The following NAALAD2 variants were observed in gnomAD, a reference collection of about 807,000 sequenced individuals.
NAALAD2 encodes the protein N-acetylated-alpha-linked acidic dipeptidase 2.
A neutral mutation model predicts 95.6 loss-of-function variants in NAALAD2; 89 were observed. The ratio of observed to expected loss-of-function variants is 0.93; its 90% confidence interval spans 0.78 to 1.11. The LOEUF (loss-of-function observed/expected upper bound fraction) is 1.11. NAALAD2 is among the 50% of genes least tolerant of loss of function. The probability of loss-of-function intolerance (pLI) is 0.00; values close to 1 mark genes in which losing one functional copy is unlikely to be tolerated. For missense variants in NAALAD2, 894 were observed against 872.4 expected, an observed-to-expected ratio of 1.02 and a Z score of -0.31; for synonymous variants, 264 against 294.4, an observed-to-expected ratio of 0.90 and a Z score of 1.06.
intron 6 of NAALAD2, among the ~76,000 whole-genome samples, chr11:90,154,830 G>GTAATA (rs1565521204): frequency 2.0e-4 from 28 of 139,406 alleles, no homozygotes; most frequent in African/African-American, 6.1e-4. Context: ...AATATGTAAT[G>GTAATA]TTACATAGTA....
Position 90,161,013 on chromosome 11 carries a change from T to G in NAALAD2, c.989+1676T>G, listed in dbSNP as rs567771648. Among the ~76,000 whole-genome samples, 13 of 152,302 alleles carry G rather than the reference T, an allele frequency of 8.5e-5. No homozygotes were observed. The East Asian group carries it at 2.5e-3, about 29-fold the overall frequency. The stretch of plus-strand genomic sequence containing the variant: ...TGCCACCAATGAGGACTAACTTAAT[T>G]TGCCCTAAGCAAAGCAGAAACATAA... On this transcript the variant is annotated intron_variant, in intron 8 of 18. Coordinates refer to ENST00000534061, the MANE Select transcript of NAALAD2 (RefSeq NM_005467.4).
rs966197894 is a variant in NAALAD2 at position 90,192,613 on chromosome 11, T to C, written c.*866T>C. On this transcript the variant is annotated 3_prime_UTR_variant, in exon 19 of 19. Coordinates refer to ENST00000534061, the MANE Select transcript of NAALAD2 (RefSeq NM_005467.4). ...AATAAACGTGATTATAAAAAACAAG[T>C]CTGCAAGGAAACCAGAATCATATAC... 3.3e-5 allele frequency: 5 copies of C among 151,910 alleles called. No homozygotes were observed. Among genetic ancestry groups the C allele is most frequent in the African/African-American group, 1.2e-4 (5 of 41,402 alleles). The allele number at this position is 151,910 out of a possible 1,614,324, so 9.4% of individuals were successfully genotyped here. A position where few individuals can be genotyped will look rare whatever the true frequency, so the allele number is the denominator to read the frequency against.
Position 90,191,757 on chromosome 11 carries a change from A to AGT in NAALAD2, c.*12_*13dup. ...GAAAGAAGTATTATAGAAGGTCTCA[A>AGT]GTGGCTAGCCATTAAAGGTGTTGCT... On this transcript the variant is annotated 3_prime_UTR_variant, in exon 19 of 19. Transcript: ENST00000534061. 6.5e-7 allele frequency: 1 copy of AGT among 1,529,866 alleles called. No individual in the cohort carries two copies. The highest frequency in any genetic ancestry group is 8.8e-7 in the Non-Finnish European group (1 of 1,139,176). 94.8% of individuals were successfully genotyped at this position (1,529,866 alleles called of 1,614,324 possible). A position where few individuals can be genotyped will look rare whatever the true frequency, so the allele number is the denominator to read the frequency against.
intron 18 of NAALAD2, among the ~76,000 whole-genome samples, chr11:90,185,194 T>C (rs1857098366): frequency 6.6e-6 from 1 of 151,490 alleles, no homozygotes; most frequent in African/African-American, 2.4e-5. Context: ...TATGCAAATA[T>C]TTCCATAAAA....
chr11:90,147,456 A>T lies in NAALAD2; in HGVS notation c.321A>T (p.Leu107Phe). The change falls in exon 3 of 19, where the codon TTA becomes TTT. Residue 107 changes from leucine to phenylalanine, a missense_variant. Transcript: ENST00000534061. Reference sequence around the variant, plus strand: ...AGTTGGTTCATTATGATGTCCTCTTATCTTACCCCAATGAGACAAATGCCA... The same window carrying T: ...AGTTGGTTCATTATGATGTCCTCTTTTCTTACCCCAATGAGACAAATGCCA... The part of the protein sequence containing the change: ...SAKLVHYDVL[L>F]SYPNETNANY... 6.2e-7 allele frequency: 1 copy of T among 1,613,876 alleles called. No homozygotes were observed. The highest frequency in any genetic ancestry group is 1.7e-4 in the Middle Eastern group (1 of 6,056).
At chr11:90,151,327 C>T (rs1247721488) in intron 5 of NAALAD2, among the ~76,000 whole-genome samples, 2 of 152,096 alleles carry the variant, frequency 1.3e-5, no homozygotes, top group Non-Finnish European at 2.9e-5. Flanking sequence ...TTCTATATAA[C>T]TGCTTATTAA....
chr11:90,166,337 AAG>A (rs774576120), intron 11 of NAALAD2, among the ~76,000 whole-genome samples: 5 of 152,134 alleles, frequency 3.3e-5, no homozygotes, highest in African/African-American at 1.2e-4. Context: ...GAGAGAGCGA[AAG>A]AGTCTTATTT....
intron 15 of NAALAD2, among the ~76,000 whole-genome samples, chr11:90,177,586 GTTTTTTTTTTTTTTTTT>G (rs57694347): frequency 8.4e-4 from 24 of 28,460 alleles, no homozygotes; most frequent in African/African-American, 2.6e-3. Context: ...TCTTTTTCTT[GTTTTTTTTTTTTTTTTT>G]TTTTTTTTTT....
Position 90,168,960 on chromosome 11 carries a change from TTGC to T in NAALAD2, c.1312_1314del (p.Ala438del). ...GTCAAAATACTCCAGGAGAGAAGCA[TTGC>T]TTATATCAACTCGGATTCATCTATA... On this transcript the variant is annotated inframe_deletion, in exon 12 of 19. Coordinates refer to ENST00000534061, the MANE Select transcript of NAALAD2 (RefSeq NM_005467.4). 6.2e-7 allele frequency: 1 copy of T among 1,608,102 alleles called. No homozygotes were observed. The highest frequency in any genetic ancestry group is 8.5e-7 in the Non-Finnish European group (1 of 1,178,094).
intron 18 of NAALAD2, among the ~76,000 whole-genome samples, chr11:90,185,222 A>C (rs1346617585): frequency 6.6e-6 from 1 of 151,830 alleles, no homozygotes; most frequent in African/African-American, 2.4e-5. Flanking sequence ...CACACAATAT[A>C]TAAACAATTT....
rs376392725 is a variant in NAALAD2, at chr11:90,190,082, G to A, written c.2034-1476G>A. Among the ~76,000 whole-genome samples the A allele has an allele frequency of 3.9e-4, 59 of 152,248 alleles. No homozygotes were observed. In the South Asian group the frequency reaches 0.012, roughly 31 times the overall value. On this transcript the variant is annotated intron_variant, in intron 18 of 18. Transcript: ENST00000534061. ...ACCAATTGTCTGATCATTTCTTTTA[G>A]CTTGCTGCCTGCTTCTTATCTGAGA...
At chr11:90,150,413 C>A in intron 4 of NAALAD2, 69 bp from the exon 5 acceptor site, 2 of 1,105,700 alleles carry the variant, frequency 1.8e-6, no homozygotes, top group Non-Finnish European at 2.5e-6. Context: ...TATTGTGAAG[C>A]AAACTTATTT....
At chr11:90,176,430 A>G (rs892376069) in intron 15 of NAALAD2, among the ~76,000 whole-genome samples, 5 of 152,120 alleles carry the variant, frequency 3.3e-5, no homozygotes, top group African/African-American at 1.2e-4. Context: ...TGGAGAACAT[A>G]TTTTGGTCAA....
chr11:90,168,421 T>C (rs192341103), intron 11 of NAALAD2, among the ~76,000 whole-genome samples: 9 of 152,292 alleles, frequency 5.9e-5, no homozygotes, highest in African/African-American at 9.6e-5. Context: ...TCAAGAGAAT[T>C]GTTTGAACCT....
At chr11:90,157,000 T>C (rs187094234) in intron 6 of NAALAD2, among the ~76,000 whole-genome samples, 6 of 152,270 alleles carry the variant, frequency 3.9e-5, no homozygotes, top group Admixed American at 3.9e-4. Flanking sequence ...AGACATGTCT[T>C]ATGGCCCAGA....
At chr11:90,189,780 AAG>A (rs1239346270) in intron 18 of NAALAD2, among the ~76,000 whole-genome samples, 2 of 152,054 alleles carry the variant, frequency 1.3e-5, no homozygotes, top group Non-Finnish European at 2.9e-5. Flanking sequence ...AAAAAAAAAA[AAG>A]AAATTTTGCA....
At chr11:90,152,819 T>A (rs1459576985) in intron 6 of NAALAD2, among the ~76,000 whole-genome samples, 3 of 152,152 alleles carry the variant, frequency 2.0e-5, no homozygotes, top group Non-Finnish European at 4.4e-5. Flanking sequence ...ATTGTATTTT[T>A]AAAAATACAA....
At chr11:90,165,264 A>G (rs1952408179) in intron 11 of NAALAD2, among the ~76,000 whole-genome samples, 1 of 152,196 alleles carries the variant, frequency 6.6e-6, no homozygotes, top group African/African-American at 2.4e-5. Context: ...TATTATGAAT[A>G]ATGCTGCAAT....
intron 11 of NAALAD2, among the ~76,000 whole-genome samples, chr11:90,167,450 C>T (rs907161047): frequency 2.0e-5 from 3 of 152,172 alleles, no homozygotes; most frequent in South Asian, 2.1e-4. Context: ...GCTGCACAGC[C>T]GGAGCCTCCC....
Sources: allele counts gnomAD v4.1 joint callset (sites outside exome capture counted in the v4.1 genomes callset), GRCh38; gene constraint gnomAD v4.1.1; transcripts MANE v1.5; gene names NCBI Gene and HGNC (gene_info 2026-07-23, HGNC 2026-07-21).